Variants in PRIM2 observed in about 807,000 individuals in gnomAD.
PRIM2 encodes DNA primase large subunit.
In PRIM2, 39 loss-of-function variants were observed where a neutral mutation model predicts 67.3. The observed-to-expected ratio is 0.58, with a 90% confidence interval of 0.45 to 0.76. The LOEUF (loss-of-function observed/expected upper bound fraction) is 0.76, where lower values mean the gene tolerates loss of function less well. Among genes scored for constraint, PRIM2 ranks in the 30% least tolerant of loss-of-function variants. The pLI, the probability that PRIM2 is intolerant of heterozygous loss-of-function variation, is 0.00. For synonymous variants in PRIM2, 143 were observed against 198.7 expected (o/e 0.72, Z 2.36); for missense variants, 398 against 598.7 (o/e 0.66, Z 3.50).
At chr6:57,537,702 T>A (rs1775029239) in intron 10 of PRIM2, 77 bp downstream of exon 10, 1 of 871,314 alleles carries the variant, frequency 1.1e-6, no homozygotes, top group Non-Finnish European at 1.6e-6. Context: ...TATTTTTTTT[T>A]TTAAATATGC....
intron 10 of PRIM2, among the ~76,000 whole-genome samples, chr6:57,542,099 C>T (rs1775172199): frequency 6.6e-6 from 1 of 151,946 alleles, no homozygotes; most frequent in Non-Finnish European, 1.5e-5. Flanking sequence ...GCCTCAGCCT[C>T]CCAAGTAGCT....
the PRIM2 span, among the ~76,000 whole-genome samples, chr6:57,292,401 C>T: frequency 3.3e-5 from 5 of 152,058 alleles, no homozygotes; most frequent in East Asian, 5.8e-4. Context: ...GAATCAATAT[C>T]ATGAAAATGG....
At chr6:57,450,665 T>C (rs1317505934) in intron 7 of PRIM2, among the ~76,000 whole-genome samples, 1 of 152,244 alleles carries the variant, frequency 6.6e-6, no homozygotes. Flanking sequence ...TAGCCATCAT[T>C]GGCAGCTTTT....
chr6:57,586,934 A>G (rs1776198843), intron 10 of PRIM2: 4 of 152,220 alleles, frequency 2.6e-5, no homozygotes. Flanking sequence ...TCTATGAGAA[A>G]TTAGGTATCC....
At chr6:57,384,378 G>T (rs569270134) in intron 7 of PRIM2, among the ~76,000 whole-genome samples, 28 of 152,202 alleles carry the variant, frequency 1.8e-4, no homozygotes, top group South Asian at 1.5e-3. Flanking sequence ...TTTTTCTAAG[G>T]ATATCAGTCA....
chr6:57,290,769 C>T, the PRIM2 span, among the ~76,000 whole-genome samples: 1 of 152,020 alleles, frequency 6.6e-6, no homozygotes, highest in Admixed American at 6.6e-5. Flanking sequence ...AATAACAAAA[C>T]GAAGGCAGAA....
At chr6:57,333,525 T>A (rs1474529733) in intron 5 of PRIM2, among the ~76,000 whole-genome samples, 1 of 152,180 alleles carries the variant, frequency 6.6e-6, no homozygotes. Context: ...CTTGGTGGAC[T>A]CTTTTAATCT....
intron 10 of PRIM2, among the ~76,000 whole-genome samples, chr6:57,592,958 G>T (rs1490162447): frequency 6.6e-6 from 1 of 152,034 alleles, no homozygotes; most frequent in African/African-American, 2.4e-5. Context: ...ATATAATAAG[G>T]TCACTAGACC....
chr6:57,314,224 T>C (rs551875233), upstream of PRIM2, among the ~76,000 whole-genome samples: 1 of 152,212 alleles, frequency 6.6e-6, no homozygotes, highest in African/African-American at 2.4e-5. Context: ...TATTCAACAA[T>C]TCAGTATGGG....
intron 8 of PRIM2, among the ~76,000 whole-genome samples, chr6:57,512,438 T>G: frequency 6.6e-6 from 1 of 152,136 alleles, no homozygotes; most frequent in East Asian, 1.9e-4. Context: ...GAAATCAAAC[T>G]GACTGGAGTT....
chr6:57,273,659 G>A, the PRIM2 span, among the ~76,000 whole-genome samples: 92 of 152,206 alleles, frequency 6.0e-4, no homozygotes, highest in African/African-American at 1.9e-3. Context: ...GCTTTGTTTC[G>A]TTGCTGGTGA....
intron 10 of PRIM2, among the ~76,000 whole-genome samples, chr6:57,544,605 G>C (rs1268516026): frequency 6.6e-6 from 1 of 152,116 alleles, no homozygotes; most frequent in East Asian, 1.9e-4. Context: ...TTTCCGGCTA[G>C]CATATATATT....
At chr6:57,591,352 G>T (rs1241958972) in intron 10 of PRIM2, among the ~76,000 whole-genome samples, 11 of 152,236 alleles carry the variant, frequency 7.2e-5, no homozygotes, top group African/African-American at 1.9e-4. Flanking sequence ...AGGCCATAAG[G>T]TGGTTTCCTG....
the PRIM2 span, among the ~76,000 whole-genome samples, chr6:57,250,762 AGTAGTATTT>A: frequency 5.3e-5 from 8 of 152,174 alleles, no homozygotes; most frequent in African/African-American, 1.9e-4. Context: ...TAAAAGATGA[AGTAGTATTT>A]GACTCTTTCC....
intron 7 of PRIM2, among the ~76,000 whole-genome samples, chr6:57,443,329 A>G (rs78622107): frequency 6.6e-6 from 1 of 152,050 alleles, no homozygotes; most frequent in Non-Finnish European, 1.5e-5. Flanking sequence ...TCCTTGTAAC[A>G]TTTTCCATAT....
intron 8 of PRIM2, among the ~76,000 whole-genome samples, chr6:57,523,388 G>A (rs1255116439): frequency 2.0e-5 from 3 of 152,190 alleles, no homozygotes; most frequent in Non-Finnish European, 4.4e-5. Context: ...TCTATTTATT[G>A]CCTGGTTCTT....
chr6:57,311,100 G>T (rs1767374059), upstream of PRIM2, among the ~76,000 whole-genome samples: 4 of 146,920 alleles, frequency 2.7e-5, no homozygotes, highest in South Asian at 8.7e-4. Context: ...CGGGGTGGTG[G>T]CCGGGCAGAG....
At chr6:57,359,919 T>C (rs917491316) in intron 5 of PRIM2, among the ~76,000 whole-genome samples, 1 of 152,226 alleles carries the variant, frequency 6.6e-6, no homozygotes, top group East Asian at 1.9e-4. Flanking sequence ...CTTTTTCATT[T>C]TGAAGAAGAG....
At chr6:57,518,906 G>A (rs1446189537) in intron 8 of PRIM2, among the ~76,000 whole-genome samples, 2 of 152,098 alleles carry the variant, frequency 1.3e-5, no homozygotes, top group Non-Finnish European at 2.9e-5. Flanking sequence ...AACCTGCCCC[G>A]ATATTCACGT....
Sources: allele counts gnomAD v4.1 joint callset (sites outside exome capture counted in the v4.1 genomes callset), GRCh38; gene constraint gnomAD v4.1.1; transcripts MANE v1.5; gene names NCBI Gene and HGNC (gene_info 2026-07-23, HGNC 2026-07-21).